The following RHBDD1 variants were observed in gnomAD, a reference collection of about 807,000 sequenced individuals.
RHBDD1 encodes rhomboid domain containing 1, also known as rhomboid-related protein 4.
RHBDD1 carries 38 observed loss-of-function variants against 36.3 expected under a neutral mutation model. That is an observed-to-expected ratio of 1.05 (90% CI 0.81 to 1.37). The LOEUF is 1.37. Among genes scored for constraint, RHBDD1 ranks in the 40% most tolerant of loss-of-function variants. RHBDD1 has a pLI of 0.00. For synonymous variants in RHBDD1, 151 were observed against 136.5 expected, an observed-to-expected ratio of 1.11 and a Z score of -0.74; for missense variants, 393 against 377.6, an observed-to-expected ratio of 1.04 and a Z score of -0.34.
At chr2:226,947,242 C>T (rs559759205) in intron 8 of RHBDD1, among the ~76,000 whole-genome samples, 2,547 of 151,350 alleles carry the variant, frequency 0.017, 64 homozygotes, top group African/African-American at 0.059. Flanking sequence ...TTAGGTCTAA[C>T]GTTTAAATCT....
intron 6 of RHBDD1, chr2:226,908,593 A>G: frequency 2.1e-6 from 1 of 486,364 alleles, no homozygotes. Flanking sequence ...ACACACACAC[A>G]CACACACACA....
At chr2:226,848,683 T>G (rs1644751179) in intron 3 of RHBDD1, among the ~76,000 whole-genome samples, 1 of 152,068 alleles carries the variant, frequency 6.6e-6, no homozygotes, top group African/African-American at 2.4e-5. Context: ...AAATGGTAAT[T>G]TTGGTGAGTT....
the RHBDD1 span, among the ~76,000 whole-genome samples, chr2:226,821,389 T>C: frequency 9.4e-3 from 1,438 of 152,276 alleles, 44 homozygotes; most frequent in Admixed American, 0.064. Context: ...AAAAAACTAA[T>C]TTGTTCTTTG....
At chr2:226,819,072 A>G in the RHBDD1 span, among the ~76,000 whole-genome samples, 31 of 151,774 alleles carry the variant, frequency 2.0e-4, no homozygotes, top group Non-Finnish European at 3.5e-4. Context: ...GGCCCACTTG[A>G]CTCGTTTATA....
chr2:226,894,604 ATTC>A (rs1349801734), intron 5 of RHBDD1, among the ~76,000 whole-genome samples: 1 of 152,068 alleles, frequency 6.6e-6, no homozygotes, highest in Non-Finnish European at 1.5e-5. Context: ...ATTACTTTTT[ATTC>A]TTATTTTTTA....
chr2:226,864,075 A>G (rs886911954), intron 3 of RHBDD1, among the ~76,000 whole-genome samples: 2 of 152,218 alleles, frequency 1.3e-5, no homozygotes, highest in Non-Finnish European at 2.9e-5. Flanking sequence ...TTGTTATGAA[A>G]GTAGAGTTCA....
At chr2:226,807,449 T>TCTTAATTTACCAAA in the RHBDD1 span, 1 of 152,226 alleles carries the variant, frequency 6.6e-6, no homozygotes, top group South Asian at 2.1e-4. Context: ...ATTTTGTATT[T>TCTTAATTTACCAAA]CTTAATTTAC....
At chr2:226,978,419 T>C (rs561411952) in intron 8 of RHBDD1, among the ~76,000 whole-genome samples, 1 of 152,290 alleles carries the variant, frequency 6.6e-6, no homozygotes, top group African/African-American at 2.4e-5. Flanking sequence ...ACTGGCGGAA[T>C]ATGAAGAGTG....
At chr2:226,806,038 C>T in the RHBDD1 span, among the ~76,000 whole-genome samples, 1 of 152,084 alleles carries the variant, frequency 6.6e-6, no homozygotes, top group African/African-American at 2.4e-5. Context: ...CTCATTCTTC[C>T]CATATCCTCT....
At chr2:226,825,934 CGA>C in the RHBDD1 span, among the ~76,000 whole-genome samples, 9 of 152,208 alleles carry the variant, frequency 5.9e-5, no homozygotes, top group East Asian at 5.8e-4. Context: ...TATCGGGTAT[CGA>C]GAGTTTATTG....
At chr2:226,898,617 G>C (rs979094566) in intron 5 of RHBDD1, among the ~76,000 whole-genome samples, 1 of 152,204 alleles carries the variant, frequency 6.6e-6, no homozygotes, top group Non-Finnish European at 1.5e-5. Context: ...GTTGAAGGAG[G>C]CATCAAGGAC....
intron 3 of RHBDD1, among the ~76,000 whole-genome samples, chr2:226,857,861 C>G (rs541919107): frequency 6.6e-6 from 1 of 151,986 alleles, no homozygotes; most frequent in East Asian, 1.9e-4. Context: ...TATGCACAAC[C>G]TTGTGAATAT....
chr2:226,842,687 AG>A (rs1941797732), intron 3 of RHBDD1, among the ~76,000 whole-genome samples: 1 of 152,132 alleles, frequency 6.6e-6, no homozygotes, highest in Admixed American at 6.5e-5. Flanking sequence ...TCGTTACTGT[AG>A]CCTTTTAGTA....
chr2:226,802,589 A>G, the RHBDD1 span, among the ~76,000 whole-genome samples: 6 of 152,216 alleles, frequency 3.9e-5, no homozygotes, highest in Admixed American at 6.5e-5. Context: ...AAGCTAAATT[A>G]GTCTTTTGGT....
intron 8 of RHBDD1, among the ~76,000 whole-genome samples, chr2:226,971,322 C>T (rs1194603886): frequency 6.6e-6 from 1 of 152,196 alleles, no homozygotes; most frequent in Non-Finnish European, 1.5e-5. Flanking sequence ...AAGTGAAGTA[C>T]AAGTAAGTGG....
chr2:226,973,745 T>C (rs990279953), intron 8 of RHBDD1, among the ~76,000 whole-genome samples: 1 of 152,204 alleles, frequency 6.6e-6, no homozygotes, highest in African/African-American at 2.4e-5. Context: ...GAAAACCAGA[T>C]GAGAAGAGCC....
chr2:226,909,006 G>A (rs1327101360), intron 7 of RHBDD1, 128 bp downstream of exon 7: 5 of 634,090 alleles, frequency 7.9e-6, no homozygotes, highest in Middle Eastern at 4.4e-4. Context: ...GTGTAACTGT[G>A]CCTCTAACAC....
chr2:226,953,270 C>T (rs1027960603), intron 8 of RHBDD1, among the ~76,000 whole-genome samples: 1 of 152,072 alleles, frequency 6.6e-6, no homozygotes, highest in Non-Finnish European at 1.5e-5. Context: ...CACATGAGCA[C>T]CAGTTAGAGA....
At chr2:226,806,406 C>T in the RHBDD1 span, among the ~76,000 whole-genome samples, 2 of 152,292 alleles carry the variant, frequency 1.3e-5, no homozygotes, top group African/African-American at 4.8e-5. Flanking sequence ...CCCATTCCCA[C>T]CTCCATGAGT....
Sources: allele counts gnomAD v4.1 joint callset (sites outside exome capture counted in the v4.1 genomes callset), GRCh38; gene constraint gnomAD v4.1.1; transcripts MANE v1.5; gene names NCBI Gene and HGNC (gene_info 2026-07-23, HGNC 2026-07-21).